The following ARAP1 variants were observed in gnomAD, a reference collection of about 807,000 sequenced individuals.
The protein encoded by ARAP1 is ArfGAP with RhoGAP domain, ankyrin repeat and PH domain 1.
Under a neutral mutation model 172.2 loss-of-function variants are expected in ARAP1, and 76 were observed. The ratio of observed to expected loss-of-function variants is 0.44; its 90% CI spans 0.37 to 0.53. ARAP1 has a LOEUF of 0.53. Among genes scored for constraint, ARAP1 ranks in the 20% least tolerant of loss-of-function variants. The pLI is 0.00. For missense variants in ARAP1, 1,686 were observed against 1,977.5 expected (o/e 0.85, Z 2.80); for synonymous variants, 804 against 803.3 (o/e 1.00, Z -0.01).
In ARAP1 at chr11:72,743,404, C is replaced by G. The variant is rs191946732; in HGVS notation, c.-128+8924G>C. On this transcript the variant is annotated intron_variant, in intron 1 of 34. Coordinates refer to ENST00000393609, the MANE Select transcript of ARAP1 (RefSeq NM_001040118.3). ...CCACCTCAAATCCCTCCCCAGGGAG[C>G]CTCCTGAGCCACAGCAGCTGTGGCT... Among the ~76,000 whole-genome samples the G allele has an allele frequency of 3.1e-3, 463 of 151,780 alleles. 2 individuals are homozygous for G. The highest frequency in any genetic ancestry group is 0.011 in the African/African-American group (435 of 41,362).
At chr11:72,704,580 T>C in intron 13 of ARAP1, 1 of 487,622 alleles carries the variant, frequency 2.1e-6, no homozygotes, top group Non-Finnish European at 3.6e-6. Context: ...GACTGACAGG[T>C]GGATGCCTCA....
rs375431217 is a variant in ARAP1, at chr11:72,713,575, C to T, written c.680-332G>A. Among the ~76,000 whole-genome samples, 27 of 152,194 alleles carry T rather than the reference C, an allele frequency of 1.8e-4. No homozygotes were observed. The East Asian group carries it at 3.7e-3, about 21-fold the overall frequency. ...AAAGCAAACCACCTCTGGCCAGGCG[C>T]GGTGGCTCATGCCTGTAATCCCAGC... On this transcript the variant is annotated intron_variant, in intron 4 of 34. Coordinates refer to ENST00000393609, the MANE Select transcript of ARAP1 (RefSeq NM_001040118.3).
Position 72,713,158 on chromosome 11 carries a change from T to A in ARAP1, c.747+18A>T. On this transcript the variant is annotated intron_variant, in intron 5 of 34. Transcript: ENST00000393609. ...CCACAACACCCTGACAGGCAGACAG[T>A]CCCATGCCTGGCCCCACCTTCTTGG... 1 of 1,613,326 alleles carries A rather than the reference T, an allele frequency of 6.2e-7. No homozygotes were observed. The highest frequency in any genetic ancestry group is 8.5e-7 in the Non-Finnish European group (1 of 1,179,450).
chr11:72,710,501 C>T lies in ARAP1; in HGVS notation c.1300G>A (p.Gly434Arg), dbSNP rs773185759. Residue 434 changes from glycine to arginine, a missense_variant, in exon 10 of 35, where the codon GGA becomes AGA. Coordinates refer to ENST00000393609, the MANE Select transcript of ARAP1 (RefSeq NM_001040118.3). The surrounding 1 kb of genome is among the most constrained non-coding windows in gnomAD (Gnocchi z 4.3). ...RARLSSAYLL[G>R]VPGSEQPDRA... ...TCAGGCTGCTCTGAGCCTGGAACTC[C>T]CAGCAGATAAGCGCTAGAGAGCCGG... 4 of 1,614,102 alleles carry T rather than the reference C, an allele frequency of 2.5e-6. No individual in the cohort carries two copies. The highest frequency in any genetic ancestry group is 1.7e-5 in the Admixed American group (1 of 60,018).
At chr11:72,749,843 C>T (rs1858482948) in intron 1 of ARAP1, among the ~76,000 whole-genome samples, 1 of 151,552 alleles carries the variant, frequency 6.6e-6, no homozygotes, top group Non-Finnish European at 1.5e-5. Context: ...TGCACTCCAG[C>T]CTGGGCAACA....
chr11:72,744,475 G>C (rs768515045), intron 1 of ARAP1, among the ~76,000 whole-genome samples: 2 of 152,012 alleles, frequency 1.3e-5, no homozygotes, highest in African/African-American at 4.8e-5. Context: ...CTGCCTTCTC[G>C]ACCAGTACCA....
chr11:72,729,744 T>A (rs1591235445), intron 2 of ARAP1, among the ~76,000 whole-genome samples: 1 of 150,850 alleles, frequency 6.6e-6, no homozygotes, highest in South Asian at 2.1e-4. Flanking sequence ...ACAGCAAGAC[T>A]CTGTCTCTAC....
In ARAP1 at chr11:72,692,781, T is replaced by A; in HGVS notation, c.3959A>T (p.Gln1320Leu). Residue 1320 changes from glutamine to leucine, a missense_variant, in exon 30 of 35, where the codon CAG (glutamine) becomes CTG (leucine). Around this residue, in one of 5 missense-constraint regions of ARAP1, gnomAD observed 379 missense variants for 500.1 expected, o/e 0.76. Coordinates refer to ENST00000393609, the MANE Select transcript of ARAP1 (RefSeq NM_001040118.3). ...CLRLYKEVRS[Q>L]RPWSGAPETS... The stretch of plus-strand genomic sequence containing the variant: ...CTCAGGGGCCCCGCTCCACGGCCTC[T>A]GGCTCTGTTTGATAGAGGATCAGGG... The A allele has an allele frequency of 6.2e-7, 1 of 1,613,670 alleles. No homozygotes were observed. Among genetic ancestry groups the A allele is most frequent in the Non-Finnish European group, 8.5e-7 (1 of 1,179,988 alleles).
rs1360461120 is a variant in ARAP1 at position 72,712,546 on chromosome 11, A to C, written c.770T>G (p.Val257Gly). ...TKKEEPPPSR[V>G]PRAVRVASLL... ...ACTGGCCACGCGCACGGCCCGTGGG[A>C]CTCGGCTCGGTGGGGGCTCCTCCTG... The change falls in exon 6 of 35, where the codon GTC (valine) becomes GGC (glycine). Residue 257 changes from valine to glycine, a missense_variant. Transcript: ENST00000393609. The C allele has an allele frequency of 6.2e-7, 1 of 1,612,524 alleles. No homozygotes were observed. Among genetic ancestry groups the C allele is most frequent in the African/African-American group, 1.3e-5 (1 of 74,682 alleles).
intron 2 of ARAP1, among the ~76,000 whole-genome samples, chr11:72,731,972 A>G (rs1185568317): frequency 6.6e-6 from 1 of 152,194 alleles, no homozygotes; most frequent in Non-Finnish European, 1.5e-5. Context: ...TTATGTAAAC[A>G]TCTCGGTTAA....
In ARAP1 at chr11:72,740,647, C is replaced by G. The variant is rs138674224; in HGVS notation, c.-127-8050G>C. On this transcript the variant is annotated intron_variant, in intron 1 of 34. Transcript: ENST00000393609. ...GGCCATCTGGATGGAAAATAAGAGA[C>G]TGACACTCAAAGCCCCCTCCCTGCC... Among the ~76,000 whole-genome samples, 68 of 152,270 alleles carry G rather than the reference C, an allele frequency of 4.5e-4. 1 individual carries two copies. The Middle Eastern group carries it at 0.01, about 23-fold the overall frequency.
At chr11:72,730,561 A>C (rs1857835604) in intron 2 of ARAP1, among the ~76,000 whole-genome samples, 1 of 152,198 alleles carries the variant, frequency 6.6e-6, no homozygotes, top group Non-Finnish European at 1.5e-5. Flanking sequence ...AGCCAGGCAC[A>C]GTGGCAGACA....
rs554935224 is a variant in ARAP1, at chr11:72,686,512, G to A, written c.4186-321C>T. Among the ~76,000 whole-genome samples, 12 of 152,260 alleles carry A rather than the reference G, an allele frequency of 7.9e-5. No individual in the cohort carries two copies. The South Asian group carries it at 2.5e-3, about 32-fold the overall frequency. On this transcript the variant is annotated intron_variant, in intron 33 of 34. Transcript: ENST00000393609. The stretch of plus-strand genomic sequence containing the variant: ...CTACAAAATCCACCGTTTCCCTTTA[G>A]GCTTTGCTTACCAGGAAGCTCAGGG...
chr11:72,728,159 C>T (rs1396818382), intron 2 of ARAP1, among the ~76,000 whole-genome samples: 2 of 152,152 alleles, frequency 1.3e-5, no homozygotes, highest in Admixed American at 6.5e-5. Context: ...AACAAGAGGT[C>T]TTAAAATCAG....
intron 1 of ARAP1, among the ~76,000 whole-genome samples, chr11:72,752,083 C>T (rs1051110065): frequency 6.6e-6 from 1 of 152,220 alleles, no homozygotes; most frequent in African/African-American, 2.4e-5. Flanking sequence ...ACCCTTCACG[C>T]CAAAGGGCTA....
chr11:72,746,164 C>T (rs1401998224), intron 1 of ARAP1, among the ~76,000 whole-genome samples: 3 of 152,178 alleles, frequency 2.0e-5, no homozygotes, highest in African/African-American at 7.2e-5. Flanking sequence ...CCTCCCCAAC[C>T]CCGCCCTAGT....
chr11:72,714,387 C>T (rs1857182558), intron 3 of ARAP1, 66 bp from the exon 4 acceptor site: 1 of 1,476,066 alleles, frequency 6.8e-7, no homozygotes, highest in African/African-American at 1.4e-5. Context: ...TACTGAGCCC[C>T]CAGCTCACCT....
intron 3 of ARAP1, among the ~76,000 whole-genome samples, chr11:72,718,471 C>T (rs1030417146): frequency 2.0e-5 from 3 of 152,088 alleles, no homozygotes; most frequent in African/African-American, 7.2e-5. Flanking sequence ...GTTTCATCCT[C>T]CTCTGCCCTC....
intron 1 of ARAP1, among the ~76,000 whole-genome samples, chr11:72,739,427 G>A (rs767464738): frequency 7.2e-5 from 11 of 152,110 alleles, no homozygotes; most frequent in Non-Finnish European, 1.3e-4. Flanking sequence ...GGACCCCAGA[G>A]CCGGGGGAAT....
Sources: allele counts gnomAD v4.1 joint callset (sites outside exome capture counted in the v4.1 genomes callset), GRCh38; gene constraint gnomAD v4.1.1; regional missense constraint gnomAD v4.1.1; non-coding constraint Gnocchi (gnomAD v3.1); transcripts MANE v1.5; gene names NCBI Gene and HGNC (gene_info 2026-07-23, HGNC 2026-07-21).